Variants in PTPRD observed in about 807,000 individuals in gnomAD.
PTPRD encodes protein tyrosine phosphatase receptor type D, also known as receptor-type tyrosine-protein phosphatase delta.
A neutral mutation model predicts 214.5 loss-of-function variants in PTPRD; 34 were observed. That is an observed-to-expected ratio of 0.16 (90% CI 0.12 to 0.21). The LOEUF is 0.21. Ranked by LOEUF, PTPRD falls within the 10% of genes least tolerant of loss-of-function variation. PTPRD has a pLI of 1.00. For missense variants in PTPRD, 2,545 were observed against 2,398.7 expected (o/e 1.06, Z -1.27); for synonymous variants, 1,128 against 845.7 (o/e 1.33, Z -5.79).
intron 14 of PTPRD, among the ~76,000 whole-genome samples, chr9:8,607,061 G>T (rs1052179488): frequency 6.6e-6 from 1 of 152,118 alleles, no homozygotes; most frequent in Admixed American, 6.5e-5. Flanking sequence ...GGAAGACATT[G>T]GACAAAGGAT....
intron 3 of PTPRD, among the ~76,000 whole-genome samples, chr9:10,063,958 A>G (rs1244831410): frequency 2.6e-5 from 4 of 152,062 alleles, no homozygotes; most frequent in African/African-American, 7.2e-5. Context: ...CCTCACAGCT[A>G]TTAATGGAAC....
At chr9:9,663,651 C>G (rs898109090) in intron 7 of PTPRD, among the ~76,000 whole-genome samples, 6 of 151,608 alleles carry the variant, frequency 4.0e-5, no homozygotes, top group African/African-American at 1.4e-4. Flanking sequence ...TCTCCTTCCG[C>G]TTCATATCCA....
intron 17 of PTPRD, 176 bp from the exon 18 acceptor site, chr9:8,525,211 G>C (rs563809439): frequency 2.7e-6 from 2 of 728,114 alleles, no homozygotes; most frequent in East Asian, 5.0e-5. Context: ...AAAACATATA[G>C]AGATTATTTT....
Position 9,043,925 on chromosome 9 carries a change from AAAAT to A in PTPRD, c.-142-25194_-142-25191del, listed in dbSNP as rs1367474620. 8.8e-3 allele frequency among the ~76,000 whole-genome samples: 817 copies of A among 92,794 alleles called. 7 individuals are homozygous for A. The highest frequency in any genetic ancestry group is 0.012 in the Non-Finnish European group (498 of 42,694). The allele number at this position is 92,794 out of a possible 152,430, so 60.9% of individuals were successfully genotyped here. A position where few individuals can be genotyped will look rare whatever the true frequency, so the allele number is the denominator to read the frequency against. On this transcript the variant is annotated intron_variant, in intron 10 of 45. Transcript: ENST00000381196. The stretch of plus-strand genomic sequence containing the variant: ...TCTCAAAAATAAAATAAAATAAAAT[AAAAT>A]AAAATAAAATAAAATAAAATAAAAT...
chr9:9,861,555 G>T (rs1469801480), intron 5 of PTPRD, among the ~76,000 whole-genome samples: 1 of 152,174 alleles, frequency 6.6e-6, no homozygotes, highest in Non-Finnish European at 1.5e-5. Flanking sequence ...CTCTCAAAGT[G>T]CTGGATTACT....
At chr9:8,688,376 C>A (rs973275390) in intron 12 of PTPRD, among the ~76,000 whole-genome samples, 1 of 151,952 alleles carries the variant, frequency 6.6e-6, no homozygotes, top group African/African-American at 2.4e-5. Flanking sequence ...ACTATCCTAG[C>A]TAACATGGTG....
chr9:10,579,370 G>A (rs191249642), intron 2 of PTPRD, among the ~76,000 whole-genome samples: 1 of 152,230 alleles, frequency 6.6e-6, no homozygotes, highest in Admixed American at 6.5e-5. Flanking sequence ...TGAAGTATTT[G>A]GTTTCCTGTT....
intron 5 of PTPRD, among the ~76,000 whole-genome samples, chr9:9,927,851 C>A (rs2084899466): frequency 6.6e-6 from 1 of 151,906 alleles, no homozygotes; most frequent in Non-Finnish European, 1.5e-5. Context: ...TTTGCATTTT[C>A]TTGAGATATG....
At chr9:9,249,133 T>A (rs2099974341) in intron 9 of PTPRD, among the ~76,000 whole-genome samples, 1 of 151,846 alleles carries the variant, frequency 6.6e-6, no homozygotes, top group Non-Finnish European at 1.5e-5. Flanking sequence ...TGGTTAAGAG[T>A]GAGTTCTAGC....
At chr9:9,093,713 T>C (rs920798495) in intron 10 of PTPRD, among the ~76,000 whole-genome samples, 1 of 151,686 alleles carries the variant, frequency 6.6e-6, no homozygotes. Flanking sequence ...GGAAAATTTA[T>C]AGCATTAACT....
chr9:10,456,689 G>A (rs2098920164), intron 2 of PTPRD, among the ~76,000 whole-genome samples: 2 of 151,814 alleles, frequency 1.3e-5, no homozygotes, highest in Non-Finnish European at 2.9e-5. Flanking sequence ...ATCTTTTTCA[G>A]TGTGTTTTCT....
At chr9:9,168,427 T>C (rs1053368333) in intron 10 of PTPRD, among the ~76,000 whole-genome samples, 1 of 152,184 alleles carries the variant, frequency 6.6e-6, no homozygotes, top group Non-Finnish European at 1.5e-5. Flanking sequence ...TTTATTTTAG[T>C]ATATTGCATG....
intron 10 of PTPRD, among the ~76,000 whole-genome samples, chr9:9,079,628 C>A (rs919204393): frequency 1.3e-5 from 2 of 152,018 alleles, no homozygotes; most frequent in African/African-American, 4.8e-5. Flanking sequence ...CTCTGAGTCC[C>A]TGAATTAGTT....
At chr9:8,377,279 A>G (rs1296085436) in intron 37 of PTPRD, among the ~76,000 whole-genome samples, 1 of 151,972 alleles carries the variant, frequency 6.6e-6, no homozygotes, top group Admixed American at 6.6e-5. Flanking sequence ...AATTAAACCT[A>G]TAATGTCTGC....
At chr9:8,842,732 A>C (rs1454154880) in intron 11 of PTPRD, among the ~76,000 whole-genome samples, 3 of 152,194 alleles carry the variant, frequency 2.0e-5, no homozygotes, top group Non-Finnish European at 4.4e-5. Flanking sequence ...GCTTGTCAGC[A>C]TTAATTACAT....
At chr9:8,644,893 C>A (rs993236910) in intron 12 of PTPRD, among the ~76,000 whole-genome samples, 1 of 152,256 alleles carries the variant, frequency 6.6e-6, no homozygotes, top group Non-Finnish European at 1.5e-5. Context: ...GCCTGCCAGG[C>A]CAGGTGGGCA....
chr9:9,538,146 C>T (rs533730434), intron 8 of PTPRD, among the ~76,000 whole-genome samples: 3 of 151,878 alleles, frequency 2.0e-5, no homozygotes, highest in Admixed American at 6.6e-5. Context: ...CCTCATATTT[C>T]GCAGTGGTGT....
At chr9:8,771,338 C>T (rs935667576) in intron 11 of PTPRD, among the ~76,000 whole-genome samples, 3 of 152,192 alleles carry the variant, frequency 2.0e-5, no homozygotes, top group Non-Finnish European at 2.9e-5. Flanking sequence ...TCCGTGTACA[C>T]AAAATACTAA....
At chr9:8,492,747 A>G (rs1013823409) in intron 27 of PTPRD, 115 bp downstream of exon 27, 8 of 642,214 alleles carry the variant, frequency 1.2e-5, no homozygotes, top group African/African-American at 1.9e-5. Context: ...AAAGTTGACC[A>G]TAGTCCATTT....
Sources: gnomAD v4.1 joint callset for allele counts (sites outside exome capture counted in the v4.1 genomes callset) on GRCh38, gnomAD v4.1.1 for gene constraint, MANE v1.5 for transcripts, NCBI Gene and HGNC (gene_info 2026-07-23, HGNC 2026-07-21) for gene names.